The following AAK1 variants were observed in gnomAD, a reference collection of about 807,000 sequenced individuals.
AAK1 encodes AP2-associated protein kinase 1.
In AAK1, 37 loss-of-function variants were observed where a neutral mutation model predicts 116.0. The ratio of observed to expected loss-of-function variants is 0.32; its 90% CI spans 0.25 to 0.42. The LOEUF is 0.42. Among genes scored for constraint, AAK1 ranks in the 10% least tolerant of loss-of-function variants. The pLI, the probability that AAK1 is intolerant of heterozygous loss-of-function variation, is 1.00. For missense variants in AAK1, 919 were observed against 1,170.6 expected (o/e 0.79, Z 3.14); for synonymous variants, 458 against 439.9 (o/e 1.04, Z -0.51).
chr2:69,548,242 A>G (rs1249595380), intron 3 of AAK1, among the ~76,000 whole-genome samples: 1 of 152,178 alleles, frequency 6.6e-6, no homozygotes, highest in Non-Finnish European at 1.5e-5. Flanking sequence ...TTTTATCTCA[A>G]TTTGTATACA....
At position 69,530,048 on chromosome 2, in the gene AAK1, A is replaced by T; in HGVS notation, c.831T>A (p.Pro277=). The T allele has an allele frequency of 6.2e-7, 1 of 1,606,490 alleles. No homozygotes were observed. Among genetic ancestry groups the T allele is most frequent in the Non-Finnish European group, 8.5e-7 (1 of 1,176,272 alleles). Residue 277 remains proline, a synonymous_variant, in exon 8 of 22, where the codon CCT becomes CCA. Transcript: ENST00000409085. The part of the protein sequence containing the change: ...VAICDGNFTI[P]DNSRYSQDMH... ...TGTCTTGAGAATATCGAGAATTATC[A>T]GGAATTGTGAAGTTTCCATCACAAA...
intron 2 of AAK1, among the ~76,000 whole-genome samples, chr2:69,618,150 C>T (rs561878136): frequency 2.0e-5 from 3 of 151,972 alleles, no homozygotes; most frequent in Admixed American, 6.5e-5. Context: ...GCCTCTACAG[C>T]GACCATGCAA....
chr2:69,561,659 G>A (rs188934752), intron 2 of AAK1, among the ~76,000 whole-genome samples: 50 of 152,098 alleles, frequency 3.3e-4, no homozygotes, highest in African/African-American at 9.4e-4. Flanking sequence ...ATGAGTTTTC[G>A]CAACTGTATA....
intron 2 of AAK1, 123 bp downstream of exon 2, chr2:69,642,755 C>T: frequency 7.5e-7 from 1 of 1,328,672 alleles, no homozygotes; most frequent in Non-Finnish European, 1.0e-6. Context: ...ACTCACAGGG[C>T]AAGTGAAGGG....
At chr2:69,636,523 C>T (rs1476975559) in intron 2 of AAK1, among the ~76,000 whole-genome samples, 3 of 152,126 alleles carry the variant, frequency 2.0e-5, no homozygotes, top group Admixed American at 1.3e-4. Context: ...GAGCACTATT[C>T]TATCCAAAAA....
chr2:69,539,965 C>T (rs1052665137), intron 5 of AAK1, among the ~76,000 whole-genome samples: 1 of 152,118 alleles, frequency 6.6e-6, no homozygotes, highest in African/African-American at 2.4e-5. Context: ...TGTTTCAAGT[C>T]TAAATATTTC....
chr2:69,564,512 A>G (rs1671782973), intron 2 of AAK1, among the ~76,000 whole-genome samples: 1 of 152,240 alleles, frequency 6.6e-6, no homozygotes, highest in Admixed American at 6.5e-5. Flanking sequence ...TAAAGACAAA[A>G]AGACTACACC....
At chr2:69,641,863 C>A (rs1286958744) in intron 2 of AAK1, among the ~76,000 whole-genome samples, 2 of 152,190 alleles carry the variant, frequency 1.3e-5, no homozygotes, top group Non-Finnish European at 2.9e-5. Flanking sequence ...TTCTTCCAAC[C>A]CCTCTCGGTC....
rs1010378946 is a variant in AAK1, at chr2:69,474,190, T to C, written c.*1679A>G. The C allele has an allele frequency of 5.1e-6, 5 of 985,626 alleles. No individual in the cohort carries two copies. Among genetic ancestry groups the C allele is most frequent in the African/African-American group, 1.7e-5 (1 of 57,182 alleles). The allele number at this position is 985,626 out of a possible 1,614,324, so 61.1% of individuals were successfully genotyped here. ...GGCTGTTGTTGCTGTTAAACTTTTT[T>C]CCCCCATAAAGTGCAAATGTGAGGA... On this transcript the variant is annotated 3_prime_UTR_variant, in exon 22 of 22. Coordinates refer to ENST00000409085, the MANE Select transcript of AAK1 (RefSeq NM_014911.5).
chr2:69,547,050 G>GA (rs71397335), intron 3 of AAK1, among the ~76,000 whole-genome samples: 14,009 of 152,190 alleles, frequency 0.092, 688 homozygotes, highest in African/African-American at 0.12. Flanking sequence ...TTCAATGGGT[G>GA]AAAAATGGTC....
In AAK1 at chr2:69,519,109, T is replaced by G; in HGVS notation, c.1342A>C (p.Thr448Pro). Residue 448 changes from threonine (T) to proline (P), a missense_variant, in exon 12 of 22, where the codon ACT becomes CCT. Thr to Pro is a conservative substitution (Grantham distance 38, BLOSUM62 -1). Transcript: ENST00000409085. ...TGAGCGGGCAGACCCTGGGCCTGAG[T>G]AGAAGGCGTCTGCTGTGGAGTGGGA... ...APPTPQQTPS[T>P]QAQGLPAQAQ... 6.4e-7 allele frequency: 1 copy of G among 1,554,712 alleles called. No homozygotes were observed. The highest frequency in any genetic ancestry group is 8.7e-7 in the Non-Finnish European group (1 of 1,148,530).
intron 5 of AAK1, among the ~76,000 whole-genome samples, chr2:69,541,291 C>T (rs1337940979): frequency 4.2e-5 from 6 of 142,182 alleles, no homozygotes; most frequent in African/African-American, 1.3e-4. Context: ...AGTGCAGTGG[C>T]GTGATCTCCA....
intron 2 of AAK1, among the ~76,000 whole-genome samples, chr2:69,589,006 T>C (rs1278364354): frequency 6.6e-6 from 1 of 152,226 alleles, no homozygotes; most frequent in Non-Finnish European, 1.5e-5. Flanking sequence ...ATATGAACAA[T>C]ATGCTCACAT....
At chr2:69,523,053 T>C (rs1206943942) in intron 10 of AAK1, among the ~76,000 whole-genome samples, 2 of 152,238 alleles carry the variant, frequency 1.3e-5, no homozygotes, top group South Asian at 2.1e-4. Context: ...GAAAAACATA[T>C]GCCTACATCA....
rs762748846 is a variant in AAK1 at position 69,525,125 on chromosome 2, AAACAAAACAG to A, written c.976-23_976-14del. On this transcript the variant is annotated splice_polypyrimidine_tract_variant and intron_variant, in intron 9 of 21. Transcript: ENST00000409085. ...GAATGGGAGAGTTCTATAGAATTGC[AAACAAAACAG>A]AACAAAACAAAAGGACATCACAGAT... The A allele has an allele frequency of 1.9e-6, 3 of 1,613,080 alleles. No individual in the cohort carries two copies. The South Asian group carries it at 3.3e-5, about 18-fold the overall frequency.
Position 69,476,074 on chromosome 2 carries a change from A to T in AAK1, c.2792-111T>A. The T allele has an allele frequency of 2.0e-6, 3 of 1,470,874 alleles. 1 individual carries two copies. The South Asian group carries it at 4.1e-5, about 20-fold the overall frequency. The allele number at this position is 1,470,874 out of a possible 1,614,324, so 91.1% of individuals were successfully genotyped here. A position where few individuals can be genotyped will look rare whatever the true frequency, so the allele number is the denominator to read the frequency against. ...CCAAAACCAAAACCAAAACAAAAAAAAACCAAAAAAACCAAACCCTAGAGA... is the reference window on the plus strand; with the variant it reads ...CCAAAACCAAAACCAAAACAAAAAATAACCAAAAAAACCAAACCCTAGAGA... On this transcript the variant is annotated intron_variant, in intron 21 of 21. Transcript: ENST00000409085.
chr2:69,637,884 G>A (rs1014700395), intron 2 of AAK1, among the ~76,000 whole-genome samples: 3 of 152,152 alleles, frequency 2.0e-5, no homozygotes, highest in African/African-American at 4.8e-5. Flanking sequence ...CAAAAGTCAC[G>A]TGAAACTGCT....
intron 2 of AAK1, among the ~76,000 whole-genome samples, chr2:69,631,936 C>A (rs571339700): frequency 2.1e-4 from 32 of 152,134 alleles, no homozygotes; most frequent in African/African-American, 7.5e-4. Flanking sequence ...GCTGAGATCA[C>A]CCCACTGGGT....
intron 2 of AAK1, among the ~76,000 whole-genome samples, chr2:69,594,381 G>A (rs947645747): frequency 2.6e-5 from 4 of 152,228 alleles, no homozygotes; most frequent in East Asian, 3.9e-4. Flanking sequence ...TCAAGAAAAC[G>A]TATCAAAATT....
Sources: allele counts gnomAD v4.1 joint callset (sites outside exome capture counted in the v4.1 genomes callset), GRCh38; gene constraint gnomAD v4.1.1; transcripts MANE v1.5; gene names NCBI Gene and HGNC (gene_info 2026-07-23, HGNC 2026-07-21).